Variants in SAMMSON observed in about 807,000 individuals in gnomAD.
The protein encoded by SAMMSON is long intergenic non-protein coding RNA 1212.
At chr3:70,240,547 T>C (rs1420847672) in intron 4 of SAMMSON, among the ~76,000 whole-genome samples, 1 of 152,180 alleles carries the variant, frequency 6.6e-6, no homozygotes, top group Non-Finnish European at 1.5e-5. Flanking sequence ...TATAAACAGA[T>C]GCACTGGTTG....
intron 4 of SAMMSON, among the ~76,000 whole-genome samples, chr3:70,078,781 C>A (rs566355548): frequency 1.3e-5 from 2 of 152,100 alleles, no homozygotes; most frequent in Non-Finnish European, 2.9e-5. Flanking sequence ...TTGTTGGGCA[C>A]GTTCAGGGTC....
intron 7 of SAMMSON, among the ~76,000 whole-genome samples, chr3:70,343,645 T>C (rs1272082339): frequency 6.6e-6 from 1 of 151,964 alleles, no homozygotes; most frequent in Non-Finnish European, 1.5e-5. Context: ...TAAAGGGAGG[T>C]TTGTCAAGTT....
At chr3:70,110,254 C>T (rs1001019510) in intron 4 of SAMMSON, among the ~76,000 whole-genome samples, 3 of 152,194 alleles carry the variant, frequency 2.0e-5, no homozygotes, top group Admixed American at 1.3e-4. Context: ...TTTTCAGCAC[C>T]AGCTATTGTT....
intron 9 of SAMMSON, among the ~76,000 whole-genome samples, chr3:70,363,088 G>A (rs1702889088): frequency 1.3e-5 from 2 of 152,002 alleles, no homozygotes; most frequent in South Asian, 4.1e-4. Context: ...TAGATTGAAA[G>A]GTAAAGAAGA....
intron 7 of SAMMSON, among the ~76,000 whole-genome samples, chr3:70,307,021 A>C (rs1393601758): frequency 6.6e-6 from 1 of 152,180 alleles, no homozygotes; most frequent in Non-Finnish European, 1.5e-5. Context: ...AGAGATAGAG[A>C]GAAAATCTGT....
chr3:70,012,254 T>A (rs2066959621), intron 1 of SAMMSON: 1 of 152,152 alleles, frequency 6.6e-6, no homozygotes, highest in Non-Finnish European at 1.5e-5. Context: ...CATCCTATCC[T>A]TGGAACCTCT....
chr3:70,411,743 T>C (rs1701221026), intron 2 of SAMMSON, among the ~76,000 whole-genome samples: 1 of 152,198 alleles, frequency 6.6e-6, no homozygotes, highest in Non-Finnish European at 1.5e-5. Context: ...CCAGCCGCCA[T>C]TTAAGAAGTG....
chr3:70,408,944 A>G (rs543661058), intron 2 of SAMMSON, among the ~76,000 whole-genome samples: 2 of 152,186 alleles, frequency 1.3e-5, no homozygotes, highest in African/African-American at 2.4e-5. Context: ...GCAGGAGGCA[A>G]AAGCACTTCT....
At chr3:70,245,937 G>C (rs1701704020) in intron 4 of SAMMSON, among the ~76,000 whole-genome samples, 1 of 150,816 alleles carries the variant, frequency 6.6e-6, no homozygotes, top group Non-Finnish European at 1.5e-5. Context: ...TCATCCTCTT[G>C]CTCTTCCTGC....
chr3:70,009,443 A>G (rs909492621), intron 1 of SAMMSON, among the ~76,000 whole-genome samples: 1 of 151,792 alleles, frequency 6.6e-6, no homozygotes, highest in Non-Finnish European at 1.5e-5. Flanking sequence ...TGTTTATAGT[A>G]TTTTATGGTA....
At chr3:70,177,443 G>C (rs1386861978) in intron 4 of SAMMSON, among the ~76,000 whole-genome samples, 1 of 152,228 alleles carries the variant, frequency 6.6e-6, no homozygotes, top group Non-Finnish European at 1.5e-5. Context: ...CAAATGAAAG[G>C]AGAGAGATAC....
chr3:70,072,441 T>C (rs1365264581), intron 4 of SAMMSON: 1 of 151,592 alleles, frequency 6.6e-6, no homozygotes, highest in African/African-American at 2.4e-5. Flanking sequence ...ACACTTTTTT[T>C]CCCCCGCCCC....
chr3:70,428,234 A>T (rs1701387138), intron 2 of SAMMSON, among the ~76,000 whole-genome samples: 1 of 152,164 alleles, frequency 6.6e-6, no homozygotes, highest in African/African-American at 2.4e-5. Context: ...TTTTTGTAGA[A>T]ATTGAAAAAT....
At chr3:70,088,864 C>T (rs2067295909) in intron 4 of SAMMSON, among the ~76,000 whole-genome samples, 1 of 151,946 alleles carries the variant, frequency 6.6e-6, no homozygotes, top group Admixed American at 6.6e-5. Flanking sequence ...ATATGTTATC[C>T]CTCAAGATCT....
At chr3:70,095,504 A>G (rs1170482900) in intron 4 of SAMMSON, among the ~76,000 whole-genome samples, 1 of 152,144 alleles carries the variant, frequency 6.6e-6, no homozygotes, top group Non-Finnish European at 1.5e-5. Context: ...GTGCAATCAC[A>G]TACTTTTCTT....
chr3:70,311,962 A>G, intron 7 of SAMMSON: 1 of 397,868 alleles, frequency 2.5e-6, no homozygotes, highest in African/African-American at 2.1e-5. Flanking sequence ...TTTCCAGCTC[A>G]GTTTCTGACA....
rs1448989006 is a variant in SAMMSON at position 70,247,869 on chromosome 3, A to G, written n.508-1238A>G. On this transcript the variant is annotated intron_variant and non_coding_transcript_variant, in intron 4 of 9. Coordinates refer to ENST00000642114, the Ensembl canonical transcript of SAMMSON. Reference sequence around the variant, plus strand: ...AAAATATTCATGAAGCACTAAAATAATATCATAAGTTATTTTTTATAAGTT... The same window carrying G: ...AAAATATTCATGAAGCACTAAAATAGTATCATAAGTTATTTTTTATAAGTT... Among the ~76,000 whole-genome samples the G allele has an allele frequency of 3.3e-5, 5 of 152,092 alleles. No homozygotes were observed. In the East Asian group the frequency reaches 7.7e-4, roughly 23 times the overall value.
chr3:70,169,576 GC>G (rs1413914547), intron 4 of SAMMSON, among the ~76,000 whole-genome samples: 2 of 151,676 alleles, frequency 1.3e-5, no homozygotes, highest in African/African-American at 4.8e-5. Context: ...AAGGTTCCTT[GC>G]TTTCAAAAGA....
chr3:70,341,807 A>T (rs1017842895), intron 7 of SAMMSON, among the ~76,000 whole-genome samples: 15 of 151,924 alleles, frequency 9.9e-5, no homozygotes, highest in African/African-American at 3.1e-4. Flanking sequence ...CCTTGTTAAG[A>T]CACAGTGTCT....
Sources: gnomAD v4.1 joint callset for allele counts (sites outside exome capture counted in the v4.1 genomes callset) on GRCh38, gnomAD v4.1.1 for gene constraint, MANE v1.5 for transcripts, NCBI Gene and HGNC (gene_info 2026-07-23, HGNC 2026-07-21) for gene names.